The following RARB variants were observed in gnomAD, a reference collection of about 807,000 sequenced individuals.
The protein encoded by RARB is HBV-activated protein.
RARB carries 17 observed loss-of-function variants against 51.9 expected under a neutral mutation model. The ratio of observed to expected loss-of-function variants is 0.33; its 90% CI spans 0.22 to 0.49. The LOEUF (loss-of-function observed/expected upper bound fraction) is 0.49. Among genes scored for constraint, RARB ranks in the 20% least tolerant of loss-of-function variants. The pLI, the probability that RARB is intolerant of heterozygous loss-of-function variation, is 0.99. For missense variants in RARB, 369 were observed against 550.8 expected, an observed-to-expected ratio of 0.67 and a Z score of 3.30; for synonymous variants, 215 against 195.4, an observed-to-expected ratio of 1.10 and a Z score of -0.84.
At chr3:25,101,696 C>G (rs545154514) in intron 3 of RARB, among the ~76,000 whole-genome samples, 1 of 149,424 alleles carries the variant, frequency 6.7e-6, no homozygotes, top group African/African-American at 2.5e-5. Flanking sequence ...TGCCATACTT[C>G]TTGATTCTTT....
intron 5 of RARB, chr3:25,345,848 C>T (rs1045361845): frequency 1.1e-6 from 1 of 897,966 alleles, no homozygotes; most frequent in Non-Finnish European, 1.3e-6. Context: ...GAGACACCTC[C>T]AAAATTCATT....
At position 25,242,647 on chromosome 3, in the gene RARB, G is replaced by C. The variant is rs538383240; in HGVS notation, c.178+68072G>C. On this transcript the variant is annotated intron_variant, in intron 5 of 11. Coordinates refer to the RARB transcript ENST00000383772. ...GTGTGGCGTTATTTCTGAGGGCTCT[G>C]TTCTGTTCCATTGGTCTATATATCT... 5.3e-5 allele frequency among the ~76,000 whole-genome samples: 8 copies of C among 152,170 alleles called. No homozygotes were observed. In the South Asian group the frequency reaches 1.0e-3, roughly 20 times the overall value.
chr3:25,527,273 C>G (rs1698696072), intron 3 of RARB, among the ~76,000 whole-genome samples: 2 of 152,326 alleles, frequency 1.3e-5, no homozygotes, highest in East Asian at 3.9e-4. Context: ...ATTTGCAGCT[C>G]TGCAGGCAAC....
At chr3:25,012,122 T>G (rs904829246) in intron 2 of RARB, among the ~76,000 whole-genome samples, 2 of 152,092 alleles carry the variant, frequency 1.3e-5, no homozygotes, top group South Asian at 4.1e-4. Flanking sequence ...ATGGACAGAT[T>G]AAATACATGT....
At chr3:25,593,275 C>T (rs1241793820) in intron 5 of RARB, among the ~76,000 whole-genome samples, 3 of 151,774 alleles carry the variant, frequency 2.0e-5, no homozygotes, top group African/African-American at 4.8e-5. Context: ...AGATATTTCT[C>T]AAAATTTCTT....
intron 2 of RARB, among the ~76,000 whole-genome samples, chr3:24,981,307 G>A (rs1206789729): frequency 1.3e-5 from 2 of 152,220 alleles, no homozygotes; most frequent in Non-Finnish European, 2.9e-5. Flanking sequence ...CTTCAGAGCT[G>A]TCAGGCAGGG....
intron 5 of RARB, among the ~76,000 whole-genome samples, chr3:25,376,043 G>T (rs1056614730): frequency 1.3e-5 from 2 of 152,180 alleles, no homozygotes; most frequent in African/African-American, 4.8e-5. Context: ...TTAAAACCAT[G>T]CCTGGCCCAT....
intron 2 of RARB, among the ~76,000 whole-genome samples, chr3:24,870,443 A>G (rs1344688211): frequency 1.3e-5 from 2 of 152,038 alleles, no homozygotes; most frequent in African/African-American, 4.8e-5. Flanking sequence ...AAATTTCTGT[A>G]TGTATTTTTC....
intron 3 of RARB, among the ~76,000 whole-genome samples, chr3:25,503,969 A>G (rs887853010): frequency 3.3e-5 from 5 of 152,216 alleles, no homozygotes; most frequent in African/African-American, 1.2e-4. Context: ...AACCAAGACT[A>G]CAGTGAAATC....
At chr3:25,384,807 G>A (rs1706745837) in intron 5 of RARB, among the ~76,000 whole-genome samples, 1 of 152,132 alleles carries the variant, frequency 6.6e-6, no homozygotes, top group Admixed American at 6.5e-5. Flanking sequence ...TGCTTTCAAG[G>A]GTAGAAAACC....
At chr3:24,981,116 T>C (rs1696657500) in intron 2 of RARB, among the ~76,000 whole-genome samples, 2 of 152,228 alleles carry the variant, frequency 1.3e-5, no homozygotes, top group South Asian at 4.1e-4. Flanking sequence ...CAGCAAATAT[T>C]GCTGCCTGAT....
chr3:25,500,454 G>GTTTTTTTTTTTTT lies in RARB; in HGVS notation c.307-713_307-701dup, dbSNP rs753321842. 5.4e-3 allele frequency among the ~76,000 whole-genome samples: 355 copies of GTTTTTTTTTTTTT among 66,076 alleles called. 23 individuals are homozygous for GTTTTTTTTTTTTT. Among genetic ancestry groups the GTTTTTTTTTTTTT allele is most frequent in the African/African-American group, 6.6e-3 (117 of 17,682 alleles). The allele number at this position is 66,076 out of a possible 152,430, so 43.3% of individuals were successfully genotyped here. On this transcript the variant is annotated intron_variant, in intron 2 of 7. Coordinates refer to ENST00000330688, the MANE Select transcript of RARB (RefSeq NM_000965.5). ...ATAATTTCTTTTTCTTTCTTTTCTT[G>GTTTTTTTTTTTTT]TTTTTTTTTTTTTTTTTTTTTTTTT...
Position 24,989,511 on chromosome 3 carries a change from T to C in RARB, c.-379-70614T>C, listed in dbSNP as rs1696866133. ...CTCACAAATGCTTGATATTGCAAGG[T>C]ATTTTAATGTTTGCCTGGCTGCTAG... On this transcript the variant is annotated intron_variant, in intron 2 of 11. Transcript: ENST00000383772. Among the ~76,000 whole-genome samples, 3 of 88,712 alleles carry C rather than the reference T, an allele frequency of 3.4e-5. 1 individual carries two copies. The highest frequency in any genetic ancestry group is 2.9e-4 in the Admixed American group (2 of 6,820). 58.2% of individuals were successfully genotyped at this position (88,712 alleles called of 152,430 possible).
intron 2 of RARB, among the ~76,000 whole-genome samples, chr3:24,886,199 A>T (rs558361410): frequency 1.3e-5 from 2 of 152,160 alleles, no homozygotes; most frequent in African/African-American, 4.8e-5. Flanking sequence ...AAATTTTGAC[A>T]TTGAAATATA....
At position 24,873,816 on chromosome 3, in the gene RARB, G is replaced by A. The variant is rs17195010; in HGVS notation, c.-380+15064G>A. 4.0e-3 allele frequency among the ~76,000 whole-genome samples: 600 copies of A among 151,788 alleles called. 1 individual carries two copies. Among genetic ancestry groups the A allele is most frequent in the Non-Finnish European group, 6.8e-3 (461 of 67,866 alleles). ...TTTTTGATACCTACTTTTGACAATC[G>A]GGTAAGGGGTCTTTTTACATTTCTA... On this transcript the variant is annotated intron_variant, in intron 2 of 11. Transcript: ENST00000383772.
chr3:25,199,129 A>G (rs1227550171), intron 5 of RARB, among the ~76,000 whole-genome samples: 1 of 152,146 alleles, frequency 6.6e-6, no homozygotes, highest in African/African-American at 2.4e-5. Context: ...AAACAATGAG[A>G]TCCTGTCATT....
chr3:25,188,933 T>G (rs1701037876), intron 5 of RARB, among the ~76,000 whole-genome samples: 1 of 152,166 alleles, frequency 6.6e-6, no homozygotes, highest in African/African-American at 2.4e-5. Context: ...GAAGCCCATT[T>G]GAGGCCAGTG....
chr3:25,438,181 C>G (rs1708511965), intron 1 of RARB, among the ~76,000 whole-genome samples: 1 of 152,172 alleles, frequency 6.6e-6, no homozygotes, highest in Non-Finnish European at 1.5e-5. Flanking sequence ...CACAGCATGG[C>G]AGCAGTATTC....
chr3:24,933,231 G>A lies in RARB; in HGVS notation c.-380+74479G>A, dbSNP rs1695478484. On this transcript the variant is annotated intron_variant, in intron 2 of 11. Transcript: ENST00000383772. ...TGCATCATTTTAGTCTCTGAAATGA[G>A]AATCATTGGTTTTCGATTTGAGGAA... is the stretch of plus-strand genomic sequence containing the variant. Among the ~76,000 whole-genome samples, 3 of 151,732 alleles carry A rather than the reference G, an allele frequency of 2.0e-5. No homozygotes were observed. In the South Asian group the frequency reaches 6.2e-4, roughly 31 times the overall value.
Sources: gnomAD v4.1 joint callset for allele counts (sites outside exome capture counted in the v4.1 genomes callset) on GRCh38, gnomAD v4.1.1 for gene constraint, MANE v1.5 for transcripts, NCBI Gene and HGNC (gene_info 2026-07-23, HGNC 2026-07-21) for gene names.